The following MLLT10 variants were observed in gnomAD, a reference collection of about 807,000 sequenced individuals.
MLLT10 encodes MLLT10 histone lysine methyltransferase DOT1L cofactor.
MLLT10 carries 30 observed loss-of-function variants against 129.1 expected under a neutral mutation model. The observed-to-expected ratio is 0.23, with a 90% CI of 0.17 to 0.32. MLLT10 has a LOEUF of 0.32. MLLT10 is among the 10% of genes least tolerant of loss of function. MLLT10 has a pLI of 1.00. For synonymous variants in MLLT10, 490 were observed against 446.4 expected (o/e 1.10, Z -1.23); for missense variants, 1,119 against 1,268.3 (o/e 0.88, Z 1.79).
At chr10:21,678,745 GA>G (rs918953094) in intron 11 of MLLT10, among the ~76,000 whole-genome samples, 8 of 151,784 alleles carry the variant, frequency 5.3e-5, no homozygotes, top group Non-Finnish European at 1.0e-4. Context: ...TAATGGAAAA[GA>G]AAAAAAATGC....
intron 9 of MLLT10, among the ~76,000 whole-genome samples, chr10:21,660,516 T>A (rs946567541): frequency 6.7e-6 from 1 of 148,550 alleles, no homozygotes; most frequent in African/African-American, 2.5e-5. Context: ...CTCGGGAGGC[T>A]GAGGCAGGAG....
At chr10:21,687,892 G>T (rs2053462114) in intron 13 of MLLT10, among the ~76,000 whole-genome samples, 1 of 152,178 alleles carries the variant, frequency 6.6e-6, no homozygotes, top group African/African-American at 2.4e-5. Context: ...TTGTGATTAT[G>T]CCTGTGTAGG....
chr10:21,560,394 A>T (rs1383419897), intron 3 of MLLT10, among the ~76,000 whole-genome samples: 2 of 151,698 alleles, frequency 1.3e-5, no homozygotes, highest in Non-Finnish European at 2.9e-5. Context: ...GTCTTTTTCC[A>T]CTCAAGTCTT....
intron 3 of MLLT10, among the ~76,000 whole-genome samples, chr10:21,573,356 A>G (rs2040404683): frequency 6.6e-6 from 1 of 152,204 alleles, no homozygotes; most frequent in African/African-American, 2.4e-5. Context: ...CATGACTGCC[A>G]TTGAAAAGAT....
chr10:21,560,562 T>C (rs1478594812), intron 3 of MLLT10, among the ~76,000 whole-genome samples: 1 of 151,992 alleles, frequency 6.6e-6, no homozygotes, highest in Non-Finnish European at 1.5e-5. Flanking sequence ...TAGACTCCTG[T>C]GTAGCTGGGA....
chr10:21,701,488 C>T (rs939066668), intron 13 of MLLT10, among the ~76,000 whole-genome samples: 1 of 151,976 alleles, frequency 6.6e-6, no homozygotes, highest in African/African-American at 2.4e-5. Flanking sequence ...TGCTGTATCA[C>T]ATAGGTTTTG....
rs61561146 is a variant in MLLT10 at position 21,593,926 on chromosome 10, TAAAAAAAAAAAAAAAA to T, written c.296-1388_296-1373del. Among the ~76,000 whole-genome samples, 48 of 45,430 alleles carry T rather than the reference TAAAAAAAAAAAAAAAA, an allele frequency of 1.1e-3. 1 individual carries two copies. Among genetic ancestry groups the T allele is most frequent in the Admixed American group, 6.7e-3 (29 of 4,316 alleles). The allele number at this position is 45,430 out of a possible 152,430, so 29.8% of individuals were successfully genotyped here. On this transcript the variant is annotated intron_variant, in intron 4 of 22. Coordinates refer to ENST00000307729, the MANE Select transcript of MLLT10 (RefSeq NM_001195626.3). ...GGGCGACAGACCAAGGCTTTGTCTT[TAAAAAAAAAAAAAAAA>T]AAAAAAAAAAAAAAAAGGTGGAAAT...
At chr10:21,535,307 TG>T (rs2033742211) in intron 2 of MLLT10, among the ~76,000 whole-genome samples, 1 of 151,830 alleles carries the variant, frequency 6.6e-6, no homozygotes, top group South Asian at 2.1e-4. Flanking sequence ...GTGGGGAGGC[TG>T]GGGGTCGCCT....
At position 21,573,453 on chromosome 10, in the gene MLLT10, T is replaced by C. The variant is rs543945318; in HGVS notation, c.241-12841T>C. 1.4e-3 allele frequency among the ~76,000 whole-genome samples: 216 copies of C among 152,344 alleles called. 1 individual carries two copies. Among genetic ancestry groups the C allele is most frequent in the Middle Eastern group, 0.01 (3 of 294 alleles). On this transcript the variant is annotated intron_variant, in intron 3 of 22. Transcript: ENST00000307729. ...CTGAGTAGCTTCCTGAGGGTTTGTG[T>C]CATGAATGGATATTGAGTTTTCTCA...
chr10:21,649,940 T>C (rs912483133), intron 8 of MLLT10, among the ~76,000 whole-genome samples: 19 of 152,220 alleles, frequency 1.2e-4, no homozygotes, highest in African/African-American at 4.1e-4. Context: ...GGAGTCATTA[T>C]CTGCCACAAT....
chr10:21,652,820 A>G lies in MLLT10; in HGVS notation c.795+1052A>G, dbSNP rs188133640. 4.6e-5 allele frequency among the ~76,000 whole-genome samples: 7 copies of G among 152,332 alleles called. No homozygotes were observed. In the East Asian group the frequency reaches 1.4e-3, roughly 29 times the overall value. On this transcript the variant is annotated intron_variant, in intron 9 of 22. Coordinates refer to ENST00000307729, the MANE Select transcript of MLLT10 (RefSeq NM_001195626.3). Reference sequence around the variant, plus strand: ...GAAGCAGGGAGGCCATTAGCAAGGTATGCAATCGTCCAGAGAGAGATGGTG... The same window carrying G: ...GAAGCAGGGAGGCCATTAGCAAGGTGTGCAATCGTCCAGAGAGAGATGGTG...
intron 16 of MLLT10, among the ~76,000 whole-genome samples, chr10:21,729,857 G>T (rs965431652): frequency 2.6e-5 from 4 of 152,294 alleles, no homozygotes; most frequent in Admixed American, 2.0e-4. Context: ...AAACCAAAAA[G>T]TGTAGAGAAC....
At chr10:21,656,020 A>G (rs1227495480) in intron 9 of MLLT10, among the ~76,000 whole-genome samples, 1 of 152,166 alleles carries the variant, frequency 6.6e-6, no homozygotes, top group African/African-American at 2.4e-5. Context: ...GATGACTGAC[A>G]TAAAAACAGG....
intron 11 of MLLT10, among the ~76,000 whole-genome samples, chr10:21,674,282 T>C (rs1328698268): frequency 6.6e-6 from 1 of 152,164 alleles, no homozygotes; most frequent in Non-Finnish European, 1.5e-5. Context: ...TGTGAGAGTT[T>C]TTACCCTTTG....
intron 16 of MLLT10, 115 bp downstream of exon 16, chr10:21,728,043 A>T (rs2131563037): frequency 1.4e-6 from 1 of 715,688 alleles, no homozygotes; most frequent in Non-Finnish European, 2.3e-6. Flanking sequence ...CATTCTACAG[A>T]TAAGAAGCAT....
chr10:21,695,082 G>A (rs1015788849), intron 13 of MLLT10, among the ~76,000 whole-genome samples: 1 of 38,964 alleles, frequency 2.6e-5, no homozygotes, highest in Non-Finnish European at 5.6e-5. Context: ...TTTTTTTTTT[G>A]TTTGGAGACA....
chr10:21,703,743 A>C (rs978401404), intron 13 of MLLT10, among the ~76,000 whole-genome samples: 2 of 151,900 alleles, frequency 1.3e-5, no homozygotes, highest in African/African-American at 4.8e-5. Context: ...ACAGGGTTTC[A>C]CCATGTTGAT....
chr10:21,649,879 A>T (rs1019026609), intron 8 of MLLT10, among the ~76,000 whole-genome samples: 4 of 152,208 alleles, frequency 2.6e-5, no homozygotes, highest in African/African-American at 9.6e-5. Context: ...ATGTCTTAGG[A>T]TGAGAAGAGC....
chr10:21,660,713 A>C (rs1393663096), intron 9 of MLLT10, among the ~76,000 whole-genome samples: 1 of 151,490 alleles, frequency 6.6e-6, no homozygotes, highest in Non-Finnish European at 1.5e-5. Flanking sequence ...GTATCTACTA[A>C]AAATACAAAA....
Sources: gnomAD v4.1 joint callset for allele counts (sites outside exome capture counted in the v4.1 genomes callset) on GRCh38, gnomAD v4.1.1 for gene constraint, MANE v1.5 for transcripts, NCBI Gene and HGNC (gene_info 2026-07-23, HGNC 2026-07-21) for gene names.